The following TEK variants were observed in gnomAD, a reference collection of about 807,000 sequenced individuals.
TEK encodes angiopoietin-1 receptor.
In TEK, 43 loss-of-function variants were observed where a neutral mutation model predicts 131.8. That is an observed-to-expected ratio of 0.33 (90% CI 0.26 to 0.42). The LOEUF (loss-of-function observed/expected upper bound fraction) is 0.42, where lower values mean the gene tolerates loss of function less well. Ranked by LOEUF, TEK falls within the 10% of genes least tolerant of loss-of-function variation. TEK has a pLI of 1.00. For missense variants in TEK, 1,162 were observed against 1,384.4 expected (o/e 0.84, Z 2.55); for synonymous variants, 580 against 491.6 (o/e 1.18, Z -2.38).
chr9:27,212,933 TG>T, intron 17 of TEK, 36 bp downstream of exon 17: 1 of 1,606,374 alleles, frequency 6.2e-7, no homozygotes, highest in Non-Finnish European at 8.5e-7. Context: ...ATATCTTTCC[TG>T]TGGAGTTCCC....
At chr9:27,194,632 T>G (rs530186423) in intron 11 of TEK, among the ~76,000 whole-genome samples, 7 of 152,292 alleles carry the variant, frequency 4.6e-5, no homozygotes, top group Non-Finnish European at 8.8e-5. Flanking sequence ...ATGGAAAGTA[T>G]TTATGGAACA....
intron 1 of TEK, among the ~76,000 whole-genome samples, chr9:27,123,516 C>G (rs894449547): frequency 6.6e-6 from 1 of 152,176 alleles, no homozygotes; most frequent in Non-Finnish European, 1.5e-5. Context: ...GCACAGTTAC[C>G]TGGAGTAACA....
At chr9:27,123,711 A>G (rs1821885323) in intron 1 of TEK, among the ~76,000 whole-genome samples, 1 of 152,202 alleles carries the variant, frequency 6.6e-6, no homozygotes, top group African/African-American at 2.4e-5. Flanking sequence ...TACAGATGAC[A>G]ACACTGAGGC....
At chr9:27,192,807 T>G (rs577463798) in intron 11 of TEK, among the ~76,000 whole-genome samples, 184 bp downstream of exon 11, 1 of 152,176 alleles carries the variant, frequency 6.6e-6, no homozygotes, top group South Asian at 2.1e-4. Flanking sequence ...GCCAAACTGT[T>G]CCTTTATTTG....
At chr9:27,128,295 G>A (rs1822069544) in intron 1 of TEK, among the ~76,000 whole-genome samples, 1 of 152,098 alleles carries the variant, frequency 6.6e-6, no homozygotes, top group Non-Finnish European at 1.5e-5. Context: ...GTAGATGTGT[G>A]GTGTTATTTC....
chr9:27,217,484 G>A (rs954088503), intron 18 of TEK, among the ~76,000 whole-genome samples: 2 of 150,778 alleles, frequency 1.3e-5, no homozygotes, highest in Admixed American at 6.6e-5. Flanking sequence ...TTCATATAAC[G>A]CTGCTGGACC....
chr9:27,201,657 C>G (rs1389394203), intron 12 of TEK, among the ~76,000 whole-genome samples: 1 of 152,040 alleles, frequency 6.6e-6, no homozygotes, highest in Non-Finnish European at 1.5e-5. Context: ...CCACAGTCCC[C>G]TAAAGAGTAA....
rs1195401652 is a variant in TEK, at chr9:27,170,231, C to T, written c.628+602C>T. Among the ~76,000 whole-genome samples the T allele has an allele frequency of 2.6e-5, 4 of 152,250 alleles. No individual in the cohort carries two copies. In the South Asian group the frequency reaches 8.3e-4, roughly 32 times the overall value. ...ATGACCTCTTACCTCCTACTGGGTT[C>T]CTCCCACAACACGTGGGGATTATGG... On this transcript the variant is annotated intron_variant, in intron 4 of 22. Coordinates refer to ENST00000380036, the MANE Select transcript of TEK (RefSeq NM_000459.5).
At chr9:27,116,554 A>G (rs1821567146) in intron 1 of TEK, among the ~76,000 whole-genome samples, 1 of 152,164 alleles carries the variant, frequency 6.6e-6, no homozygotes, top group Non-Finnish European at 1.5e-5. Context: ...AAGTGCTGGG[A>G]TTACAGGCGT....
intron 1 of TEK, among the ~76,000 whole-genome samples, chr9:27,123,317 T>C (rs1302060371): frequency 6.6e-6 from 1 of 152,044 alleles, no homozygotes; most frequent in Non-Finnish European, 1.5e-5. Flanking sequence ...GTTAGGTCCT[T>C]CTCTCTGCCG....
chr9:27,177,431 C>T lies in TEK; in HGVS notation c.902-2809C>T, dbSNP rs182590845. ...AGTGAGGTTGAGTATTTTTCATAGA[C>T]CTGTTGGCCATTTGTATGTCGTCTT... On this transcript the variant is annotated intron_variant, in intron 6 of 22. Coordinates refer to ENST00000380036, the MANE Select transcript of TEK (RefSeq NM_000459.5). 2.3e-4 allele frequency among the ~76,000 whole-genome samples: 35 copies of T among 152,272 alleles called. No homozygotes were observed. The East Asian group carries it at 6.2e-3, about 27-fold the overall frequency.
intron 2 of TEK, 80 bp downstream of exon 2, chr9:27,158,222 GGGGCA>G: frequency 3.9e-6 from 6 of 1,534,216 alleles, no homozygotes; most frequent in Non-Finnish European, 5.4e-6. Context: ...TGCTCCCTCA[GGGGCA>G]GGGCATGCAC....
At chr9:27,228,181 AC>A in intron 21 of TEK, 24 bp from the exon 22 acceptor site, 6 of 1,586,800 alleles carry the variant, frequency 3.8e-6, no homozygotes, top group Non-Finnish European at 5.2e-6. Context: ...TATAGAATTA[AC>A]CCTTTAATTC....
At chr9:27,174,446 A>G (rs948249374) in intron 6 of TEK, among the ~76,000 whole-genome samples, 3 of 152,370 alleles carry the variant, frequency 2.0e-5, no homozygotes, top group Admixed American at 6.5e-5. Flanking sequence ...ATTTTGATCT[A>G]TTAACCCAAT....
intron 16 of TEK, chr9:27,210,479 GA>G: frequency 5.8e-5 from 11 of 190,262 alleles, no homozygotes; most frequent in South Asian, 1.2e-4. Context: ...CAGTTTTCTG[GA>G]AAAAGGCTAA....
intron 1 of TEK, among the ~76,000 whole-genome samples, chr9:27,142,704 G>T (rs969015169): frequency 2.0e-5 from 3 of 152,216 alleles, no homozygotes; most frequent in African/African-American, 7.2e-5. Context: ...AGAAGCTACT[G>T]TGCCCAACTT....
At chr9:27,222,424 A>G (rs1826123176) in intron 21 of TEK, among the ~76,000 whole-genome samples, 1 of 152,194 alleles carries the variant, frequency 6.6e-6, no homozygotes, top group Non-Finnish European at 1.5e-5. Flanking sequence ...AGATTCACCA[A>G]GGTTGAAATG....
intron 1 of TEK, among the ~76,000 whole-genome samples, chr9:27,154,024 A>G (rs1823230998): frequency 6.6e-6 from 1 of 152,224 alleles, no homozygotes; most frequent in Non-Finnish European, 1.5e-5. Flanking sequence ...AAAGAGAAAA[A>G]TGCATTATTT....
chr9:27,149,857 G>A (rs1013819990), intron 1 of TEK, among the ~76,000 whole-genome samples: 1 of 152,130 alleles, frequency 6.6e-6, no homozygotes, highest in Non-Finnish European at 1.5e-5. Context: ...AGGTGGTCTG[G>A]TTCCAAAGAT....
Sources: gnomAD v4.1 joint callset for allele counts (sites outside exome capture counted in the v4.1 genomes callset) on GRCh38, gnomAD v4.1.1 for gene constraint, MANE v1.5 for transcripts, NCBI Gene and HGNC (gene_info 2026-07-23, HGNC 2026-07-21) for gene names.